Variants in ZFPM2 observed in about 807,000 individuals in gnomAD.
The protein encoded by ZFPM2 is zinc finger protein ZFPM2.
A neutral mutation model predicts 98.6 loss-of-function variants in ZFPM2; 20 were observed. That is an observed-to-expected ratio of 0.20 (90% CI 0.14 to 0.29). ZFPM2 has a LOEUF of 0.29. Among genes scored for constraint, ZFPM2 ranks in the 10% least tolerant of loss-of-function variants. ZFPM2 has a pLI of 1.00. For synonymous variants in ZFPM2, 518 were observed against 502.7 expected, an observed-to-expected ratio of 1.03 and a Z score of -0.41; for missense variants, 1,310 against 1,388.6, an observed-to-expected ratio of 0.94 and a Z score of 0.90.
intron 5 of ZFPM2, among the ~76,000 whole-genome samples, chr8:105,756,471 A>G (rs1336884868): frequency 6.6e-6 from 1 of 152,170 alleles, no homozygotes; most frequent in Admixed American, 6.5e-5. Flanking sequence ...TGGGCAGTCA[A>G]GGCTTTCAAG....
At chr8:105,539,821 G>A (rs1336003489) in intron 3 of ZFPM2, among the ~76,000 whole-genome samples, 1 of 152,072 alleles carries the variant, frequency 6.6e-6, no homozygotes, top group Non-Finnish European at 1.5e-5. Context: ...AAGTATACCT[G>A]GAAGAAAATT....
At chr8:105,426,256 G>A (rs1158484564) in intron 2 of ZFPM2, among the ~76,000 whole-genome samples, 2 of 152,130 alleles carry the variant, frequency 1.3e-5, no homozygotes, top group African/African-American at 4.8e-5. Flanking sequence ...GTTTGGACCA[G>A]GGAGTTCAAA....
intron 5 of ZFPM2, among the ~76,000 whole-genome samples, chr8:105,733,973 A>T (rs980884906): frequency 3.9e-5 from 6 of 151,922 alleles, no homozygotes; most frequent in Admixed American, 6.6e-5. Flanking sequence ...CACCTGGAAG[A>T]GGGAAAGAAG....
chr8:105,550,176 C>G (rs1814818156), intron 3 of ZFPM2, among the ~76,000 whole-genome samples: 1 of 151,386 alleles, frequency 6.6e-6, no homozygotes, highest in Admixed American at 6.6e-5. Flanking sequence ...GTGATGCTTT[C>G]ACAGTGTTTT....
At chr8:105,370,387 T>C (rs1810595306) in intron 1 of ZFPM2, among the ~76,000 whole-genome samples, 1 of 152,236 alleles carries the variant, frequency 6.6e-6, no homozygotes, top group Non-Finnish European at 1.5e-5. Context: ...AATTGTGACG[T>C]AATGAAATTT....
At chr8:105,743,033 C>A (rs913384722) in intron 5 of ZFPM2, among the ~76,000 whole-genome samples, 4 of 151,932 alleles carry the variant, frequency 2.6e-5, no homozygotes, top group Admixed American at 2.6e-4. Flanking sequence ...CCATCACAAG[C>A]AGTGATAGTA....
rs78012400 is a variant in ZFPM2, at chr8:105,320,960, A to G, written c.40+1979A>G. Among the ~76,000 whole-genome samples the G allele has an allele frequency of 5.0e-3, 756 of 152,346 alleles. 13 individuals are homozygous for G. The highest frequency in any genetic ancestry group is 0.017 in the African/African-American group (699 of 41,588). On this transcript the variant is annotated intron_variant, in intron 1 of 7. Transcript: ENST00000407775. Reference sequence around the variant, plus strand: ...ATTGCCTGCTGATATATGCATACATATGTATTATTTATATGCATGTAATAC... The same window carrying G: ...ATTGCCTGCTGATATATGCATACATGTGTATTATTTATATGCATGTAATAC...
chr8:105,340,011 C>T (rs1206374083), intron 1 of ZFPM2, among the ~76,000 whole-genome samples: 1 of 151,660 alleles, frequency 6.6e-6, no homozygotes, highest in African/African-American at 2.4e-5. Flanking sequence ...TCGTTTATTT[C>T]CAGCAAATAT....
intron 1 of ZFPM2, among the ~76,000 whole-genome samples, chr8:105,381,973 CAT>C (rs1810898322): frequency 1.3e-5 from 2 of 152,070 alleles, no homozygotes; most frequent in Admixed American, 1.3e-4. Flanking sequence ...TAAATTCAAA[CAT>C]ATCAATCTGA....
chr8:105,652,435 G>A (rs1173074515), intron 5 of ZFPM2, among the ~76,000 whole-genome samples: 2 of 151,180 alleles, frequency 1.3e-5, no homozygotes, highest in African/African-American at 4.9e-5. Context: ...AGTATACCAT[G>A]GTGTTGCAAG....
intron 1 of ZFPM2, among the ~76,000 whole-genome samples, chr8:105,351,381 GTT>G (rs1491472366): frequency 1.3e-4 from 20 of 150,344 alleles, no homozygotes; most frequent in African/African-American, 4.9e-4. Context: ...GTGTGTGTGT[GTT>G]TGTGTGTGTG....
chr8:105,488,562 C>A (rs1813284023), intron 3 of ZFPM2, among the ~76,000 whole-genome samples: 1 of 151,962 alleles, frequency 6.6e-6, no homozygotes, highest in East Asian at 1.9e-4. Flanking sequence ...GAGTTCAAGA[C>A]CAGCCTGGCC....
At chr8:105,756,754 G>T (rs540890964) in intron 5 of ZFPM2, among the ~76,000 whole-genome samples, 1 of 17,190 alleles carries the variant, frequency 5.8e-5, no homozygotes, top group African/African-American at 3.6e-4. Flanking sequence ...TTTAAACTAG[G>T]TAGAGGCTTT....
chr8:105,437,161 C>A (rs1209541823), intron 2 of ZFPM2, among the ~76,000 whole-genome samples: 1 of 152,042 alleles, frequency 6.6e-6, no homozygotes, highest in African/African-American at 2.4e-5. Context: ...ATACCCCTTA[C>A]CTAGTTTTAT....
At chr8:105,505,821 G>T (rs1469610244) in intron 3 of ZFPM2, among the ~76,000 whole-genome samples, 1 of 152,044 alleles carries the variant, frequency 6.6e-6, no homozygotes, top group African/African-American at 2.4e-5. Context: ...TATGGCTATT[G>T]TATAAAGAAA....
intron 3 of ZFPM2, among the ~76,000 whole-genome samples, chr8:105,455,596 A>G (rs548981602): frequency 6.6e-6 from 1 of 152,290 alleles, no homozygotes; most frequent in African/African-American, 2.4e-5. Flanking sequence ...CATTAAGAAT[A>G]AAAAAAGAAA....
chr8:105,398,423 A>T (rs1323204511), intron 1 of ZFPM2, among the ~76,000 whole-genome samples: 2 of 152,158 alleles, frequency 1.3e-5, no homozygotes, highest in African/African-American at 4.8e-5. Flanking sequence ...ATTGTGATGG[A>T]TTTTGCTAAA....
In ZFPM2 at chr8:105,490,171, C is replaced by T. The variant is rs182211717; in HGVS notation, c.301+45790C>T. ...CTGAGGCAGGAGAATTGCTTGAACCCGGGAGGCGGAGGTTGCAGTGAGCCA... is the reference window on the plus strand; with the variant it reads ...CTGAGGCAGGAGAATTGCTTGAACCTGGGAGGCGGAGGTTGCAGTGAGCCA... On this transcript the variant is annotated intron_variant, in intron 3 of 7. Transcript: ENST00000407775. Among the ~76,000 whole-genome samples the T allele has an allele frequency of 1.2e-3, 178 of 152,072 alleles. 1 individual carries two copies. Among genetic ancestry groups the T allele is most frequent in the African/African-American group, 4.0e-3 (166 of 41,498 alleles).
intron 5 of ZFPM2, among the ~76,000 whole-genome samples, chr8:105,695,746 A>G (rs1182485796): frequency 6.6e-6 from 1 of 152,158 alleles, no homozygotes; most frequent in Admixed American, 6.5e-5. Context: ...AAATAGGTAA[A>G]TGTACTATTA....
Sources: allele counts gnomAD v4.1 joint callset (sites outside exome capture counted in the v4.1 genomes callset), GRCh38; gene constraint gnomAD v4.1.1; transcripts MANE v1.5; gene names NCBI Gene and HGNC (gene_info 2026-07-23, HGNC 2026-07-21).